Variants in KIAA0232 observed in about 807,000 individuals in gnomAD.
KIAA0232 encodes the protein uncharacterized protein KIAA0232.
In KIAA0232, 27 loss-of-function variants were observed where a neutral mutation model predicts 122.0. The observed-to-expected ratio is 0.22, with a 90% confidence interval of 0.16 to 0.31. KIAA0232 has a LOEUF of 0.31. KIAA0232 is among the 10% of genes least tolerant of loss of function. The pLI, the probability that KIAA0232 is intolerant of heterozygous loss-of-function variation, is 1.00. For synonymous variants in KIAA0232, 613 were observed against 587.6 expected (o/e 1.04, Z -0.63); for missense variants, 1,551 against 1,634.2 (o/e 0.95, Z 0.88).
At chr4:6,867,884 C>T (rs1721270455) in intron 7 of KIAA0232, among the ~76,000 whole-genome samples, 1 of 152,338 alleles carries the variant, frequency 6.6e-6, no homozygotes, top group Middle Eastern at 3.4e-3. Flanking sequence ...AAGCATTTTC[C>T]ACCACTCTGC....
chr4:6,806,847 A>G (rs1717639720), intron 2 of KIAA0232, among the ~76,000 whole-genome samples: 1 of 151,928 alleles, frequency 6.6e-6, no homozygotes, highest in South Asian at 2.1e-4. Context: ...CAGTAGAGGA[A>G]AGTTTATCCA....
intron 8 of KIAA0232, among the ~76,000 whole-genome samples, chr4:6,873,251 A>G (rs1721588468): frequency 1.3e-5 from 2 of 152,222 alleles, no homozygotes; most frequent in African/African-American, 4.8e-5. Context: ...ACTATTAAGC[A>G]TGGGCTAGAA....
At chr4:6,797,737 G>T (rs1416475182) in intron 1 of KIAA0232, among the ~76,000 whole-genome samples, 2 of 143,882 alleles carry the variant, frequency 1.4e-5, no homozygotes, top group African/African-American at 5.2e-5. Flanking sequence ...CTGTGCTCCA[G>T]CTAGCCTGGG....
chr4:6,811,970 G>T (rs1215820146), intron 2 of KIAA0232, among the ~76,000 whole-genome samples: 1 of 151,970 alleles, frequency 6.6e-6, no homozygotes, highest in African/African-American at 2.4e-5. Context: ...AACCTTCCAT[G>T]ATTACATTGA....
intron 2 of KIAA0232, among the ~76,000 whole-genome samples, chr4:6,822,803 GT>G (rs1019092915): frequency 5.4e-4 from 81 of 149,488 alleles, no homozygotes; most frequent in African/African-American, 1.8e-3. Context: ...TATACTTTAA[GT>G]TTTAGGGTAC....
intron 3 of KIAA0232, among the ~76,000 whole-genome samples, chr4:6,839,881 A>G (rs1315426966): frequency 6.6e-6 from 1 of 152,152 alleles, no homozygotes; most frequent in Non-Finnish European, 1.5e-5. Context: ...ACAGGAATAT[A>G]GTTAACCTGA....
At chr4:6,851,722 T>TA (rs74937263) in intron 4 of KIAA0232, among the ~76,000 whole-genome samples, 2,148 of 97,234 alleles carry the variant, frequency 0.022, 69 homozygotes, top group Admixed American at 0.1. Context: ...TCTCAAAAAT[T>TA]AAAAAAAAAA....
At chr4:6,868,824 A>G (rs1721317932) in intron 7 of KIAA0232, among the ~76,000 whole-genome samples, 1 of 152,220 alleles carries the variant, frequency 6.6e-6, no homozygotes, top group South Asian at 2.1e-4. Flanking sequence ...TATGTTTAGT[A>G]TAAAACGGGA....
At chr4:6,837,293 C>T (rs1038735035) in intron 3 of KIAA0232, among the ~76,000 whole-genome samples, 2 of 151,104 alleles carry the variant, frequency 1.3e-5, no homozygotes, top group African/African-American at 2.4e-5. Flanking sequence ...GGGGCAGAGA[C>T]GCTCCTCAGT....
chr4:6,872,279 T>A (rs1721535247), intron 8 of KIAA0232, among the ~76,000 whole-genome samples: 1 of 152,194 alleles, frequency 6.6e-6, no homozygotes, highest in African/African-American at 2.4e-5. Flanking sequence ...TGCAGTAGTT[T>A]GGGAGGCATA....
intron 4 of KIAA0232, among the ~76,000 whole-genome samples, chr4:6,846,537 C>T (rs903946674): frequency 3.9e-5 from 6 of 151,908 alleles, no homozygotes; most frequent in East Asian, 1.9e-4. Context: ...AGTTTCATCC[C>T]GAACCCCATG....
chr4:6,809,122 A>G (rs1389602121), intron 2 of KIAA0232, among the ~76,000 whole-genome samples: 2 of 152,182 alleles, frequency 1.3e-5, no homozygotes, highest in Non-Finnish European at 1.5e-5. Flanking sequence ...GTTGGGTGTT[A>G]GTGTTTCAGC....
Position 6,842,355 on chromosome 4 carries a change from G to C in KIAA0232, c.369+151G>C, listed in dbSNP as rs993897950. The C allele has an allele frequency of 1.7e-5, 13 of 750,292 alleles. No homozygotes were observed. The African/African-American group carries it at 1.9e-4, about 11-fold the overall frequency. The allele number at this position is 750,292 out of a possible 1,614,324, so 46.5% of individuals were successfully genotyped here. On this transcript the variant is annotated intron_variant, in intron 4 of 9. Coordinates refer to ENST00000307659, the MANE Select transcript of KIAA0232 (RefSeq NM_014743.3). ...ATGAACATTACCACTTTTCCTTTAT[G>C]GTATTTTTCTATATTTTCTGAAGTT...
chr4:6,830,984 CCTGT>C (rs1718944459), intron 3 of KIAA0232, among the ~76,000 whole-genome samples: 1 of 152,002 alleles, frequency 6.6e-6, no homozygotes. Flanking sequence ...CCAAAAAAGT[CCTGT>C]CTAACTACCT....
chr4:6,804,062 T>C (rs1260367398), intron 1 of KIAA0232, among the ~76,000 whole-genome samples: 3 of 152,244 alleles, frequency 2.0e-5, no homozygotes, highest in Admixed American at 6.5e-5. Flanking sequence ...TTTTGAGAAA[T>C]ATATCTATTT....
At chr4:6,810,115 G>A (rs1021796949) in intron 2 of KIAA0232, among the ~76,000 whole-genome samples, 16 of 152,068 alleles carry the variant, frequency 1.1e-4, no homozygotes, top group African/African-American at 3.4e-4. Flanking sequence ...AGCCCTAATA[G>A]CCAAAGCAAT....
intron 4 of KIAA0232, among the ~76,000 whole-genome samples, chr4:6,844,963 A>G (rs933267707): frequency 5.3e-5 from 8 of 152,238 alleles, no homozygotes; most frequent in African/African-American, 1.4e-4. Flanking sequence ...ACTGGGAATT[A>G]TGTGATAGAC....
At chr4:6,783,483 C>A (rs1253591048) in intron 1 of KIAA0232, among the ~76,000 whole-genome samples, 1 of 152,142 alleles carries the variant, frequency 6.6e-6, no homozygotes, top group South Asian at 2.1e-4. Flanking sequence ...AGGCTTCGGC[C>A]GGTGGGAGGC....
Position 6,861,884 on chromosome 4 carries a change from T to C in KIAA0232, c.1502T>C (p.Ile501Thr), listed in dbSNP as rs769506811. The C allele has an allele frequency of 5.6e-6, 9 of 1,614,112 alleles. No individual in the cohort carries two copies. Among genetic ancestry groups the C allele is most frequent in the East Asian group, 2.2e-5 (1 of 44,878 alleles). Residue 501 changes from isoleucine to threonine, a missense_variant, in exon 7 of 10, where the codon ATT (isoleucine) becomes ACT (threonine). Ile to Thr is a moderately conservative substitution (Grantham distance 89, BLOSUM62 -1). Around this residue, in one of 5 missense-constraint regions of KIAA0232, gnomAD observed 1,108 missense variants for 1,154.8 expected, o/e 0.96. Transcript: ENST00000307659. The stretch of plus-strand genomic sequence containing the variant: ...GAGGACAATAAATACCTGGATGATA[T>C]TCATCTATCAGAATTAACGCACTTC... ...LPEDNKYLDD[I>T]HLSELTHFYE...
Sources: allele counts gnomAD v4.1 joint callset (sites outside exome capture counted in the v4.1 genomes callset), GRCh38; gene constraint gnomAD v4.1.1; regional missense constraint gnomAD v4.1.1; transcripts MANE v1.5; gene names NCBI Gene and HGNC (gene_info 2026-07-23, HGNC 2026-07-21).